Variants in GALNT13 observed in about 807,000 individuals in gnomAD.
The protein encoded by GALNT13 is UDP-GalNAc:polypeptide N-acetylgalactosaminyltransferase 13.
Under a neutral mutation model 64.2 loss-of-function variants are expected in GALNT13, and 28 were observed. The observed-to-expected ratio is 0.44, with a 90% CI of 0.32 to 0.60. The LOEUF (loss-of-function observed/expected upper bound fraction) is 0.60. GALNT13 is among the 20% of genes least tolerant of loss of function. The pLI is 0.05. For missense variants in GALNT13, 577 were observed against 669.8 expected, an observed-to-expected ratio of 0.86 and a Z score of 1.53; for synonymous variants, 214 against 224.6, an observed-to-expected ratio of 0.95 and a Z score of 0.42.
At chr2:153,435,906 A>G in the GALNT13 span, among the ~76,000 whole-genome samples, 1 of 152,024 alleles carries the variant, frequency 6.6e-6, no homozygotes, top group Non-Finnish European at 1.5e-5. Context: ...GTCTTGTGCC[A>G]GTTTTCAAAG....
intron 8 of GALNT13, among the ~76,000 whole-genome samples, chr2:154,284,320 T>A (rs1692134518): frequency 6.6e-6 from 1 of 152,142 alleles, no homozygotes; most frequent in Non-Finnish European, 1.5e-5. Flanking sequence ...TCTATGAGAT[T>A]GACTCTTCTA....
chr2:154,434,228 A>G (rs1463496421), intron 11 of GALNT13, among the ~76,000 whole-genome samples: 1 of 152,204 alleles, frequency 6.6e-6, no homozygotes, highest in Non-Finnish European at 1.5e-5. Context: ...ACAGTAAACA[A>G]TAAAAACTGA....
downstream of GALNT13, chr2:154,454,398 C>T (rs531447684): frequency 2.6e-5 from 4 of 152,238 alleles, no homozygotes; most frequent in South Asian, 6.2e-4. Context: ...CATGGTGGCT[C>T]ACGCCTGTAA....
the GALNT13 span, among the ~76,000 whole-genome samples, chr2:153,666,347 A>T: frequency 6.6e-6 from 1 of 152,056 alleles, no homozygotes; most frequent in African/African-American, 2.4e-5. Context: ...AACCAACAGC[A>T]TGCAAGCACC....
chr2:153,418,423 G>A, the GALNT13 span, among the ~76,000 whole-genome samples: 7 of 152,286 alleles, frequency 4.6e-5, no homozygotes, highest in South Asian at 2.1e-4. Context: ...GAGAGGGATA[G>A]GAAGTAAATG....
chr2:153,462,284 G>A, the GALNT13 span, among the ~76,000 whole-genome samples: 1 of 151,822 alleles, frequency 6.6e-6, no homozygotes, highest in African/African-American at 2.4e-5. Context: ...ATATCTTTTT[G>A]TTATTAACTA....
At chr2:153,755,325 C>T in the GALNT13 span, among the ~76,000 whole-genome samples, 1 of 152,094 alleles carries the variant, frequency 6.6e-6, no homozygotes, top group Non-Finnish European at 1.5e-5. Flanking sequence ...TTGAGGAACT[C>T]TATACAATTT....
chr2:153,463,276 A>T, the GALNT13 span, among the ~76,000 whole-genome samples: 914 of 152,170 alleles, frequency 6.0e-3, 6 homozygotes, highest in Non-Finnish European at 8.5e-3. Flanking sequence ...ACCCACCCCA[A>T]ATCCAAGTGT....
the GALNT13 span, among the ~76,000 whole-genome samples, chr2:153,290,129 T>A: frequency 6.6e-6 from 1 of 152,204 alleles, no homozygotes; most frequent in South Asian, 2.1e-4. Context: ...CTATGCAAAA[T>A]CCATAAACAG....
chr2:153,905,614 G>C (rs1189707179), intron 2 of GALNT13, among the ~76,000 whole-genome samples: 1 of 151,964 alleles, frequency 6.6e-6, no homozygotes, highest in South Asian at 2.1e-4. Context: ...GAATGATTTT[G>C]GTCATAACTT....
chr2:154,276,150 G>A (rs1691639616), intron 8 of GALNT13, among the ~76,000 whole-genome samples: 2 of 152,102 alleles, frequency 1.3e-5, no homozygotes, highest in Admixed American at 6.6e-5. Context: ...TCTTAGATGA[G>A]ACTGTGGACT....
At chr2:154,214,354 A>G (rs1030305536) in intron 4 of GALNT13, among the ~76,000 whole-genome samples, 6 of 152,084 alleles carry the variant, frequency 3.9e-5, no homozygotes, top group Admixed American at 6.6e-5. Context: ...CATTCTACCT[A>G]GTGATCCACC....
the GALNT13 span, among the ~76,000 whole-genome samples, chr2:153,189,524 G>A: frequency 2.0e-5 from 3 of 152,090 alleles, no homozygotes; most frequent in Admixed American, 6.6e-5. Flanking sequence ...GATTGATTCC[G>A]TATTTTGGCA....
the GALNT13 span, among the ~76,000 whole-genome samples, chr2:153,521,875 G>T: frequency 3.3e-5 from 5 of 152,048 alleles, no homozygotes; most frequent in African/African-American, 1.2e-4. Context: ...TGACAGCTCA[G>T]CTCATTTCTT....
intron 11 of GALNT13, among the ~76,000 whole-genome samples, chr2:154,419,970 C>T (rs1355638171): frequency 6.6e-6 from 1 of 152,068 alleles, no homozygotes; most frequent in East Asian, 1.9e-4. Context: ...AAGGCTTAAA[C>T]ATTAAAATGA....
chr2:154,219,080 C>G (rs1270048407), intron 4 of GALNT13, among the ~76,000 whole-genome samples: 1 of 151,980 alleles, frequency 6.6e-6, no homozygotes. Flanking sequence ...CAAAATTAAT[C>G]ACCAAGAATC....
chr2:154,280,543 A>G (rs146202696), intron 8 of GALNT13, among the ~76,000 whole-genome samples: 136 of 152,340 alleles, frequency 8.9e-4, no homozygotes, highest in African/African-American at 3.0e-3. Flanking sequence ...GAAATTCTGT[A>G]ACTCCAATTA....
intron 9 of GALNT13, among the ~76,000 whole-genome samples, chr2:154,328,211 T>G (rs545427648): frequency 6.6e-6 from 1 of 152,276 alleles, no homozygotes; most frequent in East Asian, 1.9e-4. Flanking sequence ...GGTTAAGTGC[T>G]ATCTTGAAGA....
intron 9 of GALNT13, among the ~76,000 whole-genome samples, chr2:154,340,216 C>T (rs1695682514): frequency 6.6e-6 from 1 of 152,026 alleles, no homozygotes; most frequent in Admixed American, 6.6e-5. Flanking sequence ...GTTCTACTTG[C>T]ATCTTCCTTA....
Sources: allele counts gnomAD v4.1 joint callset (sites outside exome capture counted in the v4.1 genomes callset), GRCh38; gene constraint gnomAD v4.1.1; transcripts MANE v1.5; gene names NCBI Gene and HGNC (gene_info 2026-07-23, HGNC 2026-07-21).